RHOJ: variants seen among roughly 807,000 people sequenced by gnomAD.
RHOJ encodes rho-related GTP-binding protein RhoJ.
A neutral mutation model predicts 23.4 loss-of-function variants in RHOJ; 11 were observed. The ratio of observed to expected loss-of-function variants is 0.47; its 90% CI spans 0.30 to 0.78. The LOEUF (loss-of-function observed/expected upper bound fraction) is 0.78, where lower values mean the gene tolerates loss of function less well. Ranked by LOEUF, RHOJ falls within the 30% of genes least tolerant of loss-of-function variation. RHOJ has a pLI of 0.08. For missense variants in RHOJ, 254 were observed against 273.4 expected, an observed-to-expected ratio of 0.93 and a Z score of 0.50; for synonymous variants, 102 against 102.7, an observed-to-expected ratio of 0.99 and a Z score of 0.04.
chr14:63,272,341 A>G (rs1895486294), intron 2 of RHOJ, among the ~76,000 whole-genome samples: 1 of 152,240 alleles, frequency 6.6e-6, no homozygotes, highest in Non-Finnish European at 1.5e-5. Flanking sequence ...TAAAGAACAC[A>G]TATAATTCAA....
At chr14:63,222,874 G>A (rs538171712) in intron 1 of RHOJ, among the ~76,000 whole-genome samples, 21 of 152,180 alleles carry the variant, frequency 1.4e-4, no homozygotes, top group African/African-American at 4.8e-4. Flanking sequence ...CATTGCTTTT[G>A]GTGTTTTAGA....
At position 63,204,940 on chromosome 14, in the gene RHOJ, G is replaced by A. The variant is rs1894074132; in HGVS notation, c.71G>A (p.Cys24Tyr). 1 of 1,614,096 alleles carries A rather than the reference G, an allele frequency of 6.2e-7. No individual in the cohort carries two copies. Among genetic ancestry groups the A allele is most frequent in the South Asian group, 1.1e-5 (1 of 91,084 alleles). Reference protein sequence around the residue: ...RGNDEKKMLKCVVVGDGAVGK... With the variant: ...RGNDEKKMLKYVVVGDGAVGK... ...AACGACGAGAAGAAGATGTTGAAGT[G>A]TGTGGTGGTGGGGGACGGTGCCGTG... Residue 24 changes from cysteine (C) to tyrosine (Y), a missense_variant, in exon 1 of 5, where the codon TGT becomes TAT. Physicochemically the swap from Cys to Tyr is radical, Grantham distance 194 (BLOSUM62 -2). Coordinates refer to ENST00000316754, the MANE Select transcript of RHOJ (RefSeq NM_020663.5).
At chr14:63,271,018 A>C (rs896257234) in intron 2 of RHOJ, among the ~76,000 whole-genome samples, 2 of 152,218 alleles carry the variant, frequency 1.3e-5, no homozygotes, top group Non-Finnish European at 1.5e-5. Context: ...TTTAAGAAAA[A>C]ATTTAAATAA....
At chr14:63,278,773 C>G (rs1472866917) in intron 2 of RHOJ, among the ~76,000 whole-genome samples, 1 of 151,964 alleles carries the variant, frequency 6.6e-6, no homozygotes, top group Non-Finnish European at 1.5e-5. Context: ...TTGCTTGAGC[C>G]CAGGAGTTCA....
chr14:63,266,413 C>T (rs1895368349), intron 1 of RHOJ, among the ~76,000 whole-genome samples: 2 of 152,130 alleles, frequency 1.3e-5, no homozygotes, highest in African/African-American at 4.8e-5. Flanking sequence ...CTTTGGAATG[C>T]CCTTAACCAA....
intron 1 of RHOJ, among the ~76,000 whole-genome samples, chr14:63,259,864 A>G (rs974624123): frequency 1.3e-5 from 2 of 152,250 alleles, no homozygotes; most frequent in African/African-American, 4.8e-5. Flanking sequence ...AAAAAGATAA[A>G]TGAAATAAAT....
intron 1 of RHOJ, among the ~76,000 whole-genome samples, chr14:63,227,124 G>A (rs1035853094): frequency 6.6e-6 from 1 of 152,040 alleles, no homozygotes; most frequent in African/African-American, 2.4e-5. Flanking sequence ...GCTGATTTTT[G>A]TATTTTTAGT....
chr14:63,220,450 TAA>T (rs200905763), intron 1 of RHOJ, among the ~76,000 whole-genome samples: 5 of 136,720 alleles, frequency 3.7e-5, no homozygotes, highest in African/African-American at 8.0e-5. Flanking sequence ...ACTTAAAAGT[TAA>T]AAAAAAAAAA....
rs569447677 is a variant in RHOJ, at chr14:63,238,578, T to C, written c.179-30532T>C. 5.3e-5 allele frequency among the ~76,000 whole-genome samples: 8 copies of C among 152,208 alleles called. 1 individual carries two copies. In the South Asian group the frequency reaches 1.2e-3, roughly 24 times the overall value. ...CTGGAACTATAGGCACACAACACCA[T>C]GCCCGGATAATTTTTGTATTCTTTT... On this transcript the variant is annotated intron_variant, in intron 1 of 4. Transcript: ENST00000316754.
At chr14:63,236,748 A>AACACACACACTCAC (rs71451289) in intron 1 of RHOJ, among the ~76,000 whole-genome samples, 9 of 138,452 alleles carry the variant, frequency 6.5e-5, no homozygotes, top group African/African-American at 2.4e-4. Context: ...AGAGGCTTGA[A>AACACACACACTCAC]ACACACACAC....
At chr14:63,242,004 G>C (rs1393802426) in intron 1 of RHOJ, among the ~76,000 whole-genome samples, 1 of 152,202 alleles carries the variant, frequency 6.6e-6, no homozygotes, top group Non-Finnish European at 1.5e-5. Context: ...GATGGTATGG[G>C]AGTGTATCCA....
At chr14:63,219,611 A>T (rs1045806200) in intron 1 of RHOJ, among the ~76,000 whole-genome samples, 5 of 152,058 alleles carry the variant, frequency 3.3e-5, no homozygotes, top group East Asian at 1.9e-4. Context: ...AGGTCAGGAG[A>T]TCAAGACCAT....
intron 1 of RHOJ, among the ~76,000 whole-genome samples, chr14:63,247,271 C>G (rs138766257): frequency 6.6e-6 from 1 of 152,180 alleles, no homozygotes. Flanking sequence ...AAGCAATGAA[C>G]TTGGAAGAAC....
At chr14:63,239,996 A>G (rs1041563346) in intron 1 of RHOJ, among the ~76,000 whole-genome samples, 2 of 152,176 alleles carry the variant, frequency 1.3e-5, no homozygotes, top group Non-Finnish European at 2.9e-5. Context: ...AAAGGCCCTG[A>G]CTTGCATTTC....
At chr14:63,264,393 C>A (rs578187169) in intron 1 of RHOJ, among the ~76,000 whole-genome samples, 1 of 152,034 alleles carries the variant, frequency 6.6e-6, no homozygotes, top group South Asian at 2.1e-4. Flanking sequence ...GGTATATGCA[C>A]AAGGCTTTCT....
intron 1 of RHOJ, among the ~76,000 whole-genome samples, chr14:63,245,855 T>G (rs1894967519): frequency 6.6e-6 from 1 of 152,010 alleles, no homozygotes; most frequent in South Asian, 2.1e-4. Flanking sequence ...GCCATCAGAG[T>G]CATCAGAAGA....
At chr14:63,240,664 A>G (rs1894867515) in intron 1 of RHOJ, among the ~76,000 whole-genome samples, 1 of 152,218 alleles carries the variant, frequency 6.6e-6, no homozygotes, top group East Asian at 1.9e-4. Flanking sequence ...GCAAGCCCAC[A>G]AACTATAGGG....
At chr14:63,274,688 A>T (rs937125902) in intron 2 of RHOJ, among the ~76,000 whole-genome samples, 3 of 152,046 alleles carry the variant, frequency 2.0e-5, no homozygotes, top group African/African-American at 7.2e-5. Context: ...TCTCATAACA[A>T]CTCATAAGGC....
chr14:63,215,212 T>C (rs1894328242), intron 1 of RHOJ, among the ~76,000 whole-genome samples: 1 of 152,200 alleles, frequency 6.6e-6, no homozygotes, highest in African/African-American at 2.4e-5. Context: ...AAAAGACCTC[T>C]ACTTAGGTCT....
Sources: gnomAD v4.1 joint callset for allele counts (sites outside exome capture counted in the v4.1 genomes callset) on GRCh38, gnomAD v4.1.1 for gene constraint, MANE v1.5 for transcripts, NCBI Gene and HGNC (gene_info 2026-07-23, HGNC 2026-07-21) for gene names.